SLC44A5: variants seen among roughly 807,000 people sequenced by gnomAD.
SLC44A5 encodes the protein solute carrier family 44 member 5, also known as choline transporter-like protein 5.
SLC44A5 carries 57 observed loss-of-function variants against 101.8 expected under a neutral mutation model. The ratio of observed to expected loss-of-function variants is 0.56; its 90% confidence interval spans 0.45 to 0.70. The LOEUF (loss-of-function observed/expected upper bound fraction) is 0.70. SLC44A5 is among the 30% of genes least tolerant of loss of function. The pLI, the probability that SLC44A5 is intolerant of heterozygous loss-of-function variation, is 0.00. For missense variants in SLC44A5, 737 were observed against 853.1 expected (o/e 0.86, Z 1.70); for synonymous variants, 281 against 290.9 (o/e 0.97, Z 0.35).
At chr1:75,576,883 A>T (rs1673398194) in intron 1 of SLC44A5, among the ~76,000 whole-genome samples, 1 of 152,194 alleles carries the variant, frequency 6.6e-6, no homozygotes, top group African/African-American at 2.4e-5. Context: ...CACAATCAGG[A>T]CAATACTGGG....
intron 20 of SLC44A5, among the ~76,000 whole-genome samples, 192 bp from the exon 21 acceptor site, chr1:75,214,181 A>G (rs1377257017): frequency 6.6e-6 from 1 of 152,114 alleles, no homozygotes; most frequent in Non-Finnish European, 1.5e-5. Context: ...TAAACAGAAG[A>G]TGGCATTGTA....
At chr1:75,664,671 C>A in the SLC44A5 span, among the ~76,000 whole-genome samples, 1 of 152,050 alleles carries the variant, frequency 6.6e-6, no homozygotes, top group Non-Finnish European at 1.5e-5. Context: ...CCTGTAATCC[C>A]AGCACTTTGG....
the SLC44A5 span, among the ~76,000 whole-genome samples, chr1:75,631,724 A>G: frequency 6.6e-6 from 1 of 151,018 alleles, no homozygotes; most frequent in Non-Finnish European, 1.5e-5. Context: ...TTTAGTAGAG[A>G]CGGCGTTTCA....
intron 5 of SLC44A5, among the ~76,000 whole-genome samples, chr1:75,288,738 T>G (rs992629115): frequency 2.0e-5 from 3 of 152,244 alleles, no homozygotes; most frequent in Admixed American, 6.5e-5. Context: ...TCACTTTGGA[T>G]GCAGCACTAG....
intron 2 of SLC44A5, among the ~76,000 whole-genome samples, chr1:75,449,713 G>A (rs1210897452): frequency 6.6e-6 from 1 of 152,086 alleles, no homozygotes; most frequent in African/African-American, 2.4e-5. Flanking sequence ...GTGTGCCTCA[G>A]CCACTTGAAA....
chr1:75,607,654 T>C (rs1158291493), intron 1 of SLC44A5, among the ~76,000 whole-genome samples: 1 of 151,940 alleles, frequency 6.6e-6, no homozygotes, highest in Non-Finnish European at 1.5e-5. Context: ...AATTGAATCA[T>C]GGGGGTGGGT....
intron 4 of SLC44A5, among the ~76,000 whole-genome samples, chr1:75,319,425 G>A: frequency 6.6e-6 from 1 of 152,104 alleles, no homozygotes; most frequent in Non-Finnish European, 1.5e-5. Flanking sequence ...ATAATAGATA[G>A]CTCTCAATCT....
intron 1 of SLC44A5, among the ~76,000 whole-genome samples, chr1:75,561,829 G>C (rs1672532195): frequency 6.6e-6 from 1 of 152,106 alleles, no homozygotes; most frequent in Non-Finnish European, 1.5e-5. Flanking sequence ...TTACCATAGA[G>C]TGACAGTTAT....
At chr1:75,429,102 G>A (rs761038439) in intron 2 of SLC44A5, among the ~76,000 whole-genome samples, 1 of 152,146 alleles carries the variant, frequency 6.6e-6, no homozygotes, top group Non-Finnish European at 1.5e-5. Flanking sequence ...TATGGAACTG[G>A]TGCTTGGCAA....
Position 75,375,459 on chromosome 1 carries a change from G to A in SLC44A5, c.52+21124C>T, listed in dbSNP as rs149666211. 4.7e-3 allele frequency among the ~76,000 whole-genome samples: 714 copies of A among 152,296 alleles called. 7 individuals are homozygous for A. Among genetic ancestry groups the A allele is most frequent in the African/African-American group, 0.017 (688 of 41,548 alleles). On this transcript the variant is annotated intron_variant, in intron 3 of 23. Transcript: ENST00000370859. ...TTTCCCCAATTTTGCGAAAGAAGTT[G>A]ACATGTAAGTTCAAGAAATTCAGAG...
At chr1:75,598,617 C>T (rs1674790165) in intron 1 of SLC44A5, among the ~76,000 whole-genome samples, 1 of 148,954 alleles carries the variant, frequency 6.7e-6, no homozygotes, top group South Asian at 2.1e-4. Context: ...AGATCATGTC[C>T]TTTGCAGGGA....
rs150886409 is a variant in SLC44A5, at chr1:75,559,513, G to T, written c.-69-17997C>A. ...CACTGAGTAGTATATTGAGAACTTTGCATTTCACCTAGTGAGCAACAGGCA... is the reference window on the plus strand; with the variant it reads ...CACTGAGTAGTATATTGAGAACTTTTCATTTCACCTAGTGAGCAACAGGCA... On this transcript the variant is annotated intron_variant, in intron 1 of 23. Transcript: ENST00000370859. Among the ~76,000 whole-genome samples the T allele has an allele frequency of 8.7e-3, 1,319 of 152,228 alleles. 19 individuals are homozygous for T. The highest frequency in any genetic ancestry group is 0.03 in the African/African-American group (1,252 of 41,546).
intron 2 of SLC44A5, among the ~76,000 whole-genome samples, chr1:75,536,462 A>G (rs211750): frequency 0.049 from 7,416 of 151,330 alleles, 215 homozygotes; most frequent in Middle Eastern, 0.089. Flanking sequence ...TTGGCTGGGC[A>G]TGGTGGCGGG....
chr1:75,472,449 T>C (rs567704356), intron 2 of SLC44A5, among the ~76,000 whole-genome samples: 5 of 152,306 alleles, frequency 3.3e-5, no homozygotes, highest in Non-Finnish European at 5.9e-5. Context: ...TCTCCTACTA[T>C]CATTCTTACA....
In SLC44A5 at chr1:75,202,367, C is replaced by CTGAT. The variant is rs1293882668; in HGVS notation, c.*1356_*1359dup. On this transcript the variant is annotated 3_prime_UTR_variant, in exon 24 of 24. Coordinates refer to ENST00000370859, the MANE Select transcript of SLC44A5 (RefSeq NM_001130058.2). ...AACAAATGTGATAATATTTTATAAA[C>CTGAT]TGATAGTAACTTACTGATGATTGAT... The CTGAT allele has an allele frequency of 1.3e-5, 2 of 152,078 alleles. No homozygotes were observed. Among genetic ancestry groups the CTGAT allele is most frequent in the South Asian group, 2.1e-4 (1 of 4,830 alleles). The allele number at this position is 152,078 out of a possible 1,614,324, so 9.4% of individuals were successfully genotyped here.
intron 18 of SLC44A5, among the ~76,000 whole-genome samples, chr1:75,217,139 A>C (rs1398786520): frequency 6.6e-6 from 1 of 151,974 alleles, no homozygotes; most frequent in East Asian, 1.9e-4. Context: ...TTAATGTAAG[A>C]TAAGGTTGAA....
chr1:75,401,437 T>C (rs1427081180), intron 2 of SLC44A5, among the ~76,000 whole-genome samples: 2 of 152,198 alleles, frequency 1.3e-5, no homozygotes, highest in East Asian at 3.8e-4. Context: ...GAAGAATAAA[T>C]ACAAGGTGTG....
chr1:75,446,047 C>T (rs547717099), intron 2 of SLC44A5, among the ~76,000 whole-genome samples: 15 of 152,250 alleles, frequency 9.9e-5, no homozygotes, highest in African/African-American at 2.6e-4. Flanking sequence ...ACCTCCACCA[C>T]TACTACTCTA....
intron 4 of SLC44A5, among the ~76,000 whole-genome samples, chr1:75,318,003 C>G (rs972946652): frequency 3.9e-5 from 6 of 152,084 alleles, no homozygotes; most frequent in African/African-American, 1.4e-4. Context: ...AGAATAGAAC[C>G]TACTCTCATT....
Sources: gnomAD v4.1 joint callset for allele counts (sites outside exome capture counted in the v4.1 genomes callset) on GRCh38, gnomAD v4.1.1 for gene constraint, MANE v1.5 for transcripts, NCBI Gene and HGNC (gene_info 2026-07-23, HGNC 2026-07-21) for gene names.